AFAP1: variants seen among roughly 807,000 people sequenced by gnomAD.
The protein encoded by AFAP1 is actin filament associated protein 1, also known as actin filament-associated protein 1.
In AFAP1, 75 loss-of-function variants were observed where a neutral mutation model predicts 93.9. That is an observed-to-expected ratio of 0.80 (90% confidence interval 0.66 to 0.97). The LOEUF (loss-of-function observed/expected upper bound fraction) is 0.97. AFAP1 is among the 50% of genes least tolerant of loss of function. The pLI is 0.00. For synonymous variants in AFAP1, 517 were observed against 430.7 expected (o/e 1.20, Z -2.48); for missense variants, 1,201 against 1,050.8 (o/e 1.14, Z -1.98).
rs140057745 is a variant in AFAP1, at chr4:7,927,533, C to T, written c.-3+12123G>A. ...ACAGTAACTTAGCAATTAGTAAATA[C>T]ACTCACACAGGCCAGGCGCGGTGGC... is the stretch of plus-strand genomic sequence containing the variant. On this transcript the variant is annotated intron_variant, in intron 1 of 17. Transcript: ENST00000420658. Among the ~76,000 whole-genome samples the T allele has an allele frequency of 2.8e-3, 426 of 152,308 alleles. 3 individuals are homozygous for T. The highest frequency in any genetic ancestry group is 9.4e-3 in the African/African-American group (389 of 41,566).
intron 9 of AFAP1, among the ~76,000 whole-genome samples, chr4:7,802,447 G>A (rs1185768374): frequency 6.6e-6 from 1 of 152,202 alleles, no homozygotes. Flanking sequence ...ACTTCTTGAA[G>A]GAGGACGTTA....
chr4:7,772,835 C>T lies in AFAP1; in HGVS notation c.2238G>A (p.Gly746=), dbSNP rs1371590792. 2.5e-6 allele frequency: 4 copies of T among 1,613,990 alleles called. No individual in the cohort carries two copies. The highest frequency in any genetic ancestry group is 3.4e-6 in the Non-Finnish European group (4 of 1,179,964). ...TLGLAIEPKS[G]TSSPQSPVFR... Reference sequence around the variant, plus strand: ...GGACACACACCTGTGGACTCGATGTCCCTGACTTGGGCTCGATGGCCAGCC... The same window carrying T: ...GGACACACACCTGTGGACTCGATGTTCCTGACTTGGGCTCGATGGCCAGCC... The change falls in exon 16 of 18, where the codon GGG becomes GGA. Residue 746 remains glycine (G), a synonymous_variant. Transcript: ENST00000420658.
At chr4:7,827,352 A>T (rs1327186809) in intron 6 of AFAP1, among the ~76,000 whole-genome samples, 1 of 151,886 alleles carries the variant, frequency 6.6e-6, no homozygotes, top group African/African-American at 2.4e-5. Context: ...CAGGCGGATC[A>T]CCTGAGGTCA....
chr4:7,909,962 G>C (rs1719637494), intron 1 of AFAP1, among the ~76,000 whole-genome samples: 1 of 152,124 alleles, frequency 6.6e-6, no homozygotes, highest in African/African-American at 2.4e-5. Context: ...AACAAATCAG[G>C]CTCCACTCCC....
At chr4:7,823,169 G>A (rs1721123888) in intron 6 of AFAP1, among the ~76,000 whole-genome samples, 1 of 151,900 alleles carries the variant, frequency 6.6e-6, no homozygotes, top group African/African-American at 2.4e-5. Flanking sequence ...CTACTAAGTT[G>A]TGCTCGTGTT....
intron 11 of AFAP1, among the ~76,000 whole-genome samples, chr4:7,789,305 T>C (rs1717613746): frequency 6.6e-6 from 1 of 152,174 alleles, no homozygotes; most frequent in African/African-American, 2.4e-5. Context: ...GAGAGTCAAG[T>C]GGAGCTATTT....
chr4:7,838,171 G>A (rs1298296335), intron 6 of AFAP1, among the ~76,000 whole-genome samples: 1 of 152,110 alleles, frequency 6.6e-6, no homozygotes, highest in Non-Finnish European at 1.5e-5. Context: ...CCCAAACTTA[G>A]AAAGATAAAA....
chr4:7,933,652 G>A (rs1176731768), intron 1 of AFAP1, among the ~76,000 whole-genome samples: 1 of 152,244 alleles, frequency 6.6e-6, no homozygotes, highest in Admixed American at 6.5e-5. Context: ...TGGAGGGCCT[G>A]ACCAGGTCCC....
At chr4:7,783,301 G>A (rs536564592) in intron 12 of AFAP1, among the ~76,000 whole-genome samples, 7 of 152,174 alleles carry the variant, frequency 4.6e-5, no homozygotes, top group South Asian at 2.1e-4. Flanking sequence ...CACCATGCCC[G>A]GCTAATTTTT....
At chr4:7,808,281 C>G (rs1450634241) in intron 9 of AFAP1, among the ~76,000 whole-genome samples, 1 of 152,236 alleles carries the variant, frequency 6.6e-6, no homozygotes. Flanking sequence ...GATGGAAACT[C>G]TCACCCATGT....
At position 7,845,886 on chromosome 4, in the gene AFAP1, G is replaced by C. The variant is rs527596076; in HGVS notation, c.335-2536C>G. ...GCTCTGCTGGACGGCACAGGGGTGG[G>C]GGGGGCAAGATCTTTACAATCTAGG... On this transcript the variant is annotated intron_variant, in intron 4 of 17. Transcript: ENST00000420658. 6.6e-3 allele frequency among the ~76,000 whole-genome samples: 1,000 copies of C among 152,246 alleles called. 8 individuals carry two copies. The highest frequency in any genetic ancestry group is 0.01 in the Middle Eastern group (3 of 292).
chr4:7,864,936 C>T (rs1344563252), intron 3 of AFAP1, among the ~76,000 whole-genome samples: 1 of 151,990 alleles, frequency 6.6e-6, no homozygotes, highest in East Asian at 1.9e-4. Flanking sequence ...TATGATCGTG[C>T]CACTGCACTC....
intron 1 of AFAP1, among the ~76,000 whole-genome samples, chr4:7,932,433 C>T (rs1175401267): frequency 6.6e-6 from 1 of 152,170 alleles, no homozygotes; most frequent in African/African-American, 2.4e-5. Context: ...ATGTGAATCG[C>T]TGTTGGGTTG....
In AFAP1 at chr4:7,906,359, CTG is replaced by C. The variant is rs1719401715; in HGVS notation, c.-3+33295_-3+33296del. On this transcript the variant is annotated intron_variant, in intron 1 of 17. Transcript: ENST00000420658. Reference sequence around the variant, plus strand: ...ATCAGATAATGGATTTTAAAATTCTCTGTGAATTACGAAGCAAAAAACAAACG... The same window carrying C: ...ATCAGATAATGGATTTTAAAATTCTCTGAATTACGAAGCAAAAAACAAACG... 2.0e-5 allele frequency among the ~76,000 whole-genome samples: 3 copies of C among 152,188 alleles called. No individual in the cohort carries two copies. The South Asian group carries it at 6.2e-4, about 32-fold the overall frequency.
chr4:7,832,476 T>C lies in AFAP1; in HGVS notation c.726+6048A>G, dbSNP rs113579689. The stretch of plus-strand genomic sequence containing the variant: ...GTTTGATGGAGGGAGACCTGTGTAG[T>C]ATAAGACCTTCTGCTATGAAGTGTT... On this transcript the variant is annotated intron_variant, in intron 6 of 17. Coordinates refer to ENST00000420658, the MANE Select transcript of AFAP1 (RefSeq NM_001134647.2). 2.0e-4 allele frequency among the ~76,000 whole-genome samples: 31 copies of C among 152,066 alleles called. 1 individual carries two copies. The highest frequency in any genetic ancestry group is 7.5e-4 in the African/African-American group (31 of 41,484).
intron 3 of AFAP1, among the ~76,000 whole-genome samples, chr4:7,857,860 G>A (rs1163980800): frequency 5.3e-5 from 8 of 151,010 alleles, no homozygotes; most frequent in Non-Finnish European, 7.4e-5. Flanking sequence ...CTTACTCTCT[G>A]AATCGATGGG....
intron 1 of AFAP1, among the ~76,000 whole-genome samples, chr4:7,895,368 T>G (rs1320210105): frequency 6.6e-6 from 1 of 152,140 alleles, no homozygotes; most frequent in Non-Finnish European, 1.5e-5. Context: ...CTACGGTCAT[T>G]ATCAGTATAA....
At chr4:7,781,799 C>CT (rs1716803826) in intron 12 of AFAP1, among the ~76,000 whole-genome samples, 172 bp from the exon 13 acceptor site, 1 of 152,154 alleles carries the variant, frequency 6.6e-6, no homozygotes, top group Non-Finnish European at 1.5e-5. Context: ...CACCACCCCC[C>CT]TCCCACACAC....
At chr4:7,876,587 C>A (rs1020661377) in intron 1 of AFAP1, among the ~76,000 whole-genome samples, 1 of 152,200 alleles carries the variant, frequency 6.6e-6, no homozygotes, top group African/African-American at 2.4e-5. Flanking sequence ...CAGAAGCTGG[C>A]ACACTCAGAG....
Sources: gnomAD v4.1 joint callset for allele counts (sites outside exome capture counted in the v4.1 genomes callset) on GRCh38, gnomAD v4.1.1 for gene constraint, MANE v1.5 for transcripts, NCBI Gene and HGNC (gene_info 2026-07-23, HGNC 2026-07-21) for gene names.